PTPRM: variants seen among roughly 807,000 people sequenced by gnomAD.
PTPRM encodes protein tyrosine phosphatase receptor type M.
Under a neutral mutation model 186.7 loss-of-function variants are expected in PTPRM, and 47 were observed. The observed-to-expected ratio is 0.25, with a 90% CI of 0.20 to 0.32. The LOEUF is 0.32. Ranked by LOEUF, PTPRM falls within the 10% of genes least tolerant of loss-of-function variation. The pLI is 1.00. For missense variants in PTPRM, 1,494 were observed against 1,865.0 expected (o/e 0.80, Z 3.66); for synonymous variants, 668 against 674.9 (o/e 0.99, Z 0.16).
chr18:7,736,997 G>A (rs1345310205), intron 1 of PTPRM, among the ~76,000 whole-genome samples: 4 of 152,218 alleles, frequency 2.6e-5, no homozygotes, highest in Non-Finnish European at 5.9e-5. Flanking sequence ...TAGAGATGGG[G>A]TTTTACATGT....
intron 23 of PTPRM, among the ~76,000 whole-genome samples, chr18:8,350,211 T>A (rs1253009258): frequency 6.6e-6 from 1 of 152,200 alleles, no homozygotes; most frequent in Non-Finnish European, 1.5e-5. Flanking sequence ...TCATAGAGGC[T>A]GCATACAGAC....
chr18:8,287,493 C>T (rs980727835), intron 19 of PTPRM, among the ~76,000 whole-genome samples: 20 of 152,150 alleles, frequency 1.3e-4, no homozygotes, highest in African/African-American at 4.8e-4. Context: ...GGCAAAGAGA[C>T]CAGTCAGGAG....
At chr18:8,155,026 T>C (rs1402873012) in intron 14 of PTPRM, 2 of 152,214 alleles carry the variant, frequency 1.3e-5, no homozygotes, top group African/African-American at 2.4e-5. Context: ...TAAGAAAAGG[T>C]GTGAGATAAA....
chr18:8,190,512 AGTT>A (rs1452760431), intron 14 of PTPRM, among the ~76,000 whole-genome samples: 1 of 152,208 alleles, frequency 6.6e-6, no homozygotes, highest in African/African-American at 2.4e-5. Flanking sequence ...CTTTTTGAGT[AGTT>A]GTTCTAGTCT....
At chr18:7,653,711 C>G (rs1017120480) in intron 1 of PTPRM, among the ~76,000 whole-genome samples, 1 of 152,186 alleles carries the variant, frequency 6.6e-6, no homozygotes, top group African/African-American at 2.4e-5. Flanking sequence ...TTTATCCTAT[C>G]TGTCATTGAT....
intron 2 of PTPRM, among the ~76,000 whole-genome samples, chr18:7,851,179 C>A (rs1307520339): frequency 7.2e-5 from 11 of 151,998 alleles, no homozygotes. Context: ...CAGAGAAGAA[C>A]AAAAGAACGG....
At chr18:7,926,244 A>G (rs1431944485) in intron 4 of PTPRM, among the ~76,000 whole-genome samples, 1 of 152,184 alleles carries the variant, frequency 6.6e-6, no homozygotes, top group Non-Finnish European at 1.5e-5. Flanking sequence ...TTTCAGTATA[A>G]TCTTTATTAA....
At chr18:7,770,661 G>A (rs1392567809) in intron 1 of PTPRM, among the ~76,000 whole-genome samples, 1 of 152,140 alleles carries the variant, frequency 6.6e-6, no homozygotes, top group Non-Finnish European at 1.5e-5. Flanking sequence ...AACAGTGGAA[G>A]AATTGGGGAT....
At position 7,668,683 on chromosome 18, in the gene PTPRM, C is replaced by T. The variant is rs1043193116; in HGVS notation, c.73+100792C>T. ...GGCCTCTGCTGCCTCAGCTCCCTCCCTGGAGGCTGTAATGGCTGCTTTCTC... is the reference window on the plus strand; with the variant it reads ...GGCCTCTGCTGCCTCAGCTCCCTCCTTGGAGGCTGTAATGGCTGCTTTCTC... On this transcript the variant is annotated intron_variant, in intron 1 of 32. Transcript: ENST00000580170. This position sits in a 1 kb window ranked among gnomAD's most constrained non-coding sequence, Gnocchi z 4.7. Among the ~76,000 whole-genome samples the T allele has an allele frequency of 6.6e-6, 1 of 152,108 alleles. No homozygotes were observed. The highest frequency in any genetic ancestry group is 6.5e-5 in the Admixed American group (1 of 15,290).
At chr18:7,924,127 A>C (rs922348565) in intron 4 of PTPRM, among the ~76,000 whole-genome samples, 1 of 152,220 alleles carries the variant, frequency 6.6e-6, no homozygotes, top group African/African-American at 2.4e-5. Flanking sequence ...AAGCGTCTTC[A>C]GTGATGATAG....
chr18:8,217,765 G>A (rs1198485992), intron 14 of PTPRM, among the ~76,000 whole-genome samples: 1 of 152,102 alleles, frequency 6.6e-6, no homozygotes, highest in African/African-American at 2.4e-5. Flanking sequence ...TTTGTTTGTG[G>A]TCAGCATTCA....
intron 2 of PTPRM, among the ~76,000 whole-genome samples, chr18:7,785,797 G>A (rs1289664489): frequency 2.6e-5 from 4 of 152,102 alleles, no homozygotes; most frequent in Admixed American, 1.3e-4. Context: ...ATGTAATACC[G>A]ATTTGGAGCC....
rs761191273 is a variant in PTPRM, at chr18:7,949,276, A to C, written c.759A>C (p.Arg253=). ...ASFNVVNTTK[R]DAGKYRCMIR... is the part of the protein sequence containing the mutation. The stretch of plus-strand genomic sequence containing the variant: ...TTAATGTTGTGAATACCACCAAACG[A>C]GATGCTGGAAAGTACCGCTGCATGA... The change falls in exon 6 of 33, where the codon CGA becomes CGC. Residue 253 remains arginine (R), a synonymous_variant. Coordinates refer to ENST00000580170, the MANE Select transcript of PTPRM (RefSeq NM_001105244.2). The C allele has an allele frequency of 1.9e-6, 3 of 1,614,026 alleles. No homozygotes were observed. The East Asian group carries it at 6.7e-5, about 36-fold the overall frequency.
intron 1 of PTPRM, among the ~76,000 whole-genome samples, chr18:7,765,087 T>A (rs2041956493): frequency 6.6e-6 from 1 of 152,204 alleles, no homozygotes; most frequent in Admixed American, 6.5e-5. Context: ...GTACAATATT[T>A]AGGAATAGAA....
At chr18:7,920,421 AG>A (rs1355283931) in intron 4 of PTPRM, among the ~76,000 whole-genome samples, 3 of 152,186 alleles carry the variant, frequency 2.0e-5, no homozygotes, top group Admixed American at 2.0e-4. Flanking sequence ...TATCTTAAAG[AG>A]ATGACAACTT....
At chr18:8,285,061 G>T (rs1279148286) in intron 19 of PTPRM, among the ~76,000 whole-genome samples, 2 of 152,152 alleles carry the variant, frequency 1.3e-5, no homozygotes, top group Non-Finnish European at 2.9e-5. Flanking sequence ...GGAGGACAGA[G>T]ATGTTTGTGA....
chr18:8,076,443 A>T lies in PTPRM; in HGVS notation c.1442-12A>T, dbSNP rs2089821873. On this transcript the variant is annotated splice_polypyrimidine_tract_variant and intron_variant, in intron 8 of 32. Coordinates refer to ENST00000580170, the MANE Select transcript of PTPRM (RefSeq NM_001105244.2). ...ATTACTTAAACATTTATTTCCTCCCACCCTCCTTTAGTCCCAGGTGCTGTT... is the reference window on the plus strand; with the variant it reads ...ATTACTTAAACATTTATTTCCTCCCTCCCTCCTTTAGTCCCAGGTGCTGTT... 1 of 1,459,464 alleles carries T rather than the reference A, an allele frequency of 6.9e-7. No homozygotes were observed. Among genetic ancestry groups the T allele is most frequent in the Non-Finnish European group, 9.6e-7 (1 of 1,045,416 alleles). 90.4% of individuals were successfully genotyped at this position (1,459,464 alleles called of 1,614,324 possible). A position where few individuals can be genotyped will look rare whatever the true frequency, so the allele number is the denominator to read the frequency against.
chr18:8,194,485 G>A lies in PTPRM; in HGVS notation c.2301-49573G>A, dbSNP rs984681548. Among the ~76,000 whole-genome samples the A allele has an allele frequency of 7.9e-5, 12 of 152,332 alleles. No homozygotes were observed. In the East Asian group the frequency reaches 9.7e-4, roughly 12 times the overall value. On this transcript the variant is annotated intron_variant, in intron 14 of 32. Transcript: ENST00000580170. ...AGAGTAACTCTGCTTTCAGGGCTCC[G>A]TGTGAGGACTGAGGGGGCACCCTGA... is the stretch of plus-strand genomic sequence containing the variant.
In PTPRM at chr18:7,926,871, C is replaced by CT. The variant is rs1203640066; in HGVS notation, c.663+198dup. 7.4e-4 allele frequency among the ~76,000 whole-genome samples: 110 copies of CT among 149,520 alleles called. 1 individual carries two copies. The highest frequency in any genetic ancestry group is 1.8e-3 in the African/African-American group (75 of 40,856). ...TTGTTTAAACACCTTTTGTGAATTT[C>CT]TTTTTTTTTTCCTTTGCTTATGCTT... is the stretch of plus-strand genomic sequence containing the variant. On this transcript the variant is annotated intron_variant, in intron 5 of 32. Transcript: ENST00000580170.
Sources: gnomAD v4.1 joint callset for allele counts (sites outside exome capture counted in the v4.1 genomes callset) on GRCh38, gnomAD v4.1.1 for gene constraint, Gnocchi (gnomAD v3.1) non-coding constraint, MANE v1.5 for transcripts, NCBI Gene and HGNC (gene_info 2026-07-23, HGNC 2026-07-21) for gene names.